ZNF804B: variants seen among roughly 807,000 people sequenced by gnomAD.
The protein encoded by ZNF804B is zinc finger protein 804B.
ZNF804B carries 80 observed loss-of-function variants against 101.4 expected under a neutral mutation model. The observed-to-expected ratio is 0.79, with a 90% CI of 0.66 to 0.95. The LOEUF (loss-of-function observed/expected upper bound fraction) is 0.95. ZNF804B is among the 40% of genes least tolerant of loss of function. The pLI is 0.00. For synonymous variants in ZNF804B, 622 were observed against 558.8 expected (o/e 1.11, Z -1.59); for missense variants, 1,673 against 1,561.9 (o/e 1.07, Z -1.20).
At chr7:89,232,982 C>T (rs554018522) in intron 2 of ZNF804B, among the ~76,000 whole-genome samples, 2 of 152,032 alleles carry the variant, frequency 1.3e-5, no homozygotes, top group Non-Finnish European at 2.9e-5. Context: ...AGTGCAGTGG[C>T]GCGATCTCCA....
intron 1 of ZNF804B, among the ~76,000 whole-genome samples, chr7:88,784,532 C>T (rs566115515): frequency 2.6e-5 from 4 of 152,194 alleles, no homozygotes; most frequent in South Asian, 4.1e-4. Flanking sequence ...TCACTGGAAA[C>T]CAGAATAAAG....
intron 1 of ZNF804B, among the ~76,000 whole-genome samples, chr7:89,097,508 A>G (rs1261219869): frequency 6.6e-6 from 1 of 152,222 alleles, no homozygotes; most frequent in Admixed American, 6.5e-5. Context: ...TAAATAATTT[A>G]AGAGCGAAGA....
intron 2 of ZNF804B, among the ~76,000 whole-genome samples, chr7:89,228,249 AG>A (rs66676242): frequency 0.59 from 89,048 of 151,504 alleles, 26,658 homozygotes; most frequent in African/African-American, 0.63. Context: ...AGTGAGCAGC[AG>A]CAGGATTTAT....
chr7:88,980,733 A>G (rs181425157), intron 1 of ZNF804B, among the ~76,000 whole-genome samples: 122 of 152,148 alleles, frequency 8.0e-4, no homozygotes, highest in Non-Finnish European at 1.4e-3. Context: ...CGCCATGGCC[A>G]TCACCATTGG....
intron 2 of ZNF804B, among the ~76,000 whole-genome samples, chr7:89,247,592 TAAAG>T (rs940798227): frequency 6.7e-6 from 1 of 150,000 alleles, no homozygotes; most frequent in African/African-American, 2.5e-5. Context: ...TACAGAGAAA[TAAAG>T]AAAAAGAAAA....
At chr7:89,149,411 A>G (rs1029870633) in intron 1 of ZNF804B, among the ~76,000 whole-genome samples, 1 of 152,074 alleles carries the variant, frequency 6.6e-6, no homozygotes, top group Non-Finnish European at 1.5e-5. Flanking sequence ...AGTTAATTAT[A>G]GTTACCCTAT....
chr7:89,034,701 C>A (rs1428355879), intron 1 of ZNF804B, among the ~76,000 whole-genome samples: 1 of 152,118 alleles, frequency 6.6e-6, no homozygotes, highest in Non-Finnish European at 1.5e-5. Context: ...AATAGTGCTG[C>A]AATATACATA....
At chr7:88,886,925 A>G (rs1792136472) in intron 1 of ZNF804B, among the ~76,000 whole-genome samples, 1 of 48,954 alleles carries the variant, frequency 2.0e-5, no homozygotes, top group South Asian at 6.6e-4. Flanking sequence ...TTCAAGGGGA[A>G]AAACATAAAT....
At chr7:89,266,323 G>T (rs12704452) in intron 2 of ZNF804B, among the ~76,000 whole-genome samples, 1 of 151,786 alleles carries the variant, frequency 6.6e-6, no homozygotes, top group Non-Finnish European at 1.5e-5. Flanking sequence ...CATGATAAAG[G>T]TCATATTTGC....
intron 1 of ZNF804B, among the ~76,000 whole-genome samples, chr7:88,911,884 G>A (rs915197917): frequency 1.3e-5 from 2 of 151,468 alleles, no homozygotes; most frequent in Non-Finnish European, 3.0e-5. Context: ...TTATATATAT[G>A]TTATATGTGT....
chr7:88,784,272 C>CT (rs1790268033), intron 1 of ZNF804B, among the ~76,000 whole-genome samples: 1 of 152,158 alleles, frequency 6.6e-6, no homozygotes, highest in Non-Finnish European at 1.5e-5. Context: ...TGAGCTGTAA[C>CT]ATTAGAGCTT....
chr7:88,941,924 C>A (rs1793060761), intron 1 of ZNF804B, among the ~76,000 whole-genome samples: 3 of 151,838 alleles, frequency 2.0e-5, no homozygotes, highest in Admixed American at 2.0e-4. Context: ...GTAACTTATC[C>A]TCATGTCATT....
At chr7:88,814,160 C>T (rs1790837353) in intron 1 of ZNF804B, among the ~76,000 whole-genome samples, 1 of 152,084 alleles carries the variant, frequency 6.6e-6, no homozygotes, top group Admixed American at 6.5e-5. Context: ...ATCTGGAAAA[C>T]ATTTTGTCAA....
chr7:88,891,228 A>G (rs1188738846), intron 1 of ZNF804B, among the ~76,000 whole-genome samples: 1 of 152,094 alleles, frequency 6.6e-6, no homozygotes, highest in African/African-American at 2.4e-5. Context: ...CACTGATTGT[A>G]GATACATCTA....
chr7:89,054,794 A>G (rs1370097826), intron 1 of ZNF804B, among the ~76,000 whole-genome samples: 2 of 152,042 alleles, frequency 1.3e-5, no homozygotes, highest in African/African-American at 4.8e-5. Context: ...CTCTGTCAAC[A>G]TAGACCAACC....
intron 1 of ZNF804B, among the ~76,000 whole-genome samples, chr7:88,881,999 A>G (rs917195457): frequency 2.0e-5 from 3 of 152,158 alleles, no homozygotes; most frequent in African/African-American, 7.2e-5. Context: ...TATAGACACT[A>G]TTATTCTCAA....
At chr7:88,899,692 A>C (rs1412362628) in intron 1 of ZNF804B, among the ~76,000 whole-genome samples, 1 of 152,068 alleles carries the variant, frequency 6.6e-6, no homozygotes, top group Non-Finnish European at 1.5e-5. Flanking sequence ...ACTTACTTCA[A>C]TTTATTCAAG....
At chr7:89,026,460 T>C (rs932090185) in intron 1 of ZNF804B, among the ~76,000 whole-genome samples, 4 of 152,126 alleles carry the variant, frequency 2.6e-5, no homozygotes, top group Non-Finnish European at 5.9e-5. Flanking sequence ...TTTTATAAGG[T>C]TTATTTGATT....
chr7:89,072,582 T>A (rs1457617084), intron 1 of ZNF804B, among the ~76,000 whole-genome samples: 3 of 152,096 alleles, frequency 2.0e-5, no homozygotes, highest in Non-Finnish European at 4.4e-5. Context: ...TCTTTTGGAG[T>A]ATATGAATAA....
Sources: allele counts gnomAD v4.1 joint callset (sites outside exome capture counted in the v4.1 genomes callset), GRCh38; gene constraint gnomAD v4.1.1; transcripts MANE v1.5; gene names NCBI Gene and HGNC (gene_info 2026-07-23, HGNC 2026-07-21).